The following ZFAT variants were observed in gnomAD, a reference collection of about 807,000 sequenced individuals.
ZFAT encodes the protein zinc finger and AT-hook domain containing, also known as zinc finger protein ZFAT.
A neutral mutation model predicts 117.7 loss-of-function variants in ZFAT; 64 were observed. The observed-to-expected ratio is 0.54, with a 90% CI of 0.44 to 0.67. The LOEUF (loss-of-function observed/expected upper bound fraction) is 0.67, where lower values mean the gene tolerates loss of function less well. Ranked by LOEUF, ZFAT falls within the 30% of genes least tolerant of loss-of-function variation. The pLI, the probability that ZFAT is intolerant of heterozygous loss-of-function variation, is 0.00. For synonymous variants in ZFAT, 679 were observed against 615.0 expected (o/e 1.10, Z -1.54); for missense variants, 1,433 against 1,584.5 (o/e 0.90, Z 1.62).
At chr8:134,712,396 C>T (rs1446114674) in intron 1 of ZFAT, among the ~76,000 whole-genome samples, 1 of 152,172 alleles carries the variant, frequency 6.6e-6, no homozygotes, top group Non-Finnish European at 1.5e-5. Context: ...ATCTGTCACT[C>T]TATTAGGTCC....
At chr8:134,684,566 A>G (rs1256946183) in intron 1 of ZFAT, among the ~76,000 whole-genome samples, 1 of 152,074 alleles carries the variant, frequency 6.6e-6, no homozygotes, top group African/African-American at 2.4e-5. Flanking sequence ...GGTTCCTGGT[A>G]TTTCTCCTTG....
chr8:134,503,532 T>G (rs1008056397), intron 15 of ZFAT, among the ~76,000 whole-genome samples: 1 of 152,210 alleles, frequency 6.6e-6, no homozygotes, highest in South Asian at 2.1e-4. Context: ...AGATATTCGG[T>G]CATACATTAT....
Position 134,521,004 on chromosome 8 carries a change from G to A in ZFAT, c.3116-3C>T, listed in dbSNP as rs575975276. The A allele has an allele frequency of 3.3e-5, 53 of 1,608,870 alleles. 1 individual carries two copies. The South Asian group carries it at 5.3e-4, about 16-fold the overall frequency. ...GCAAACAGGACACTTCAAACCACCT[G>A]AAAGCACAGACAGAGGTTAAAAAAA... On this transcript the variant is annotated splice_polypyrimidine_tract_variant and splice_region_variant and intron_variant, in intron 12 of 15. Transcript: ENST00000377838.
the ZFAT span, among the ~76,000 whole-genome samples, chr8:134,810,617 A>G: frequency 1.3e-5 from 2 of 152,198 alleles, no homozygotes; most frequent in Non-Finnish European, 2.9e-5. Flanking sequence ...ACTTATAACT[A>G]GCTATGTAAT....
intron 15 of ZFAT, among the ~76,000 whole-genome samples, chr8:134,488,219 C>T (rs1252782092): frequency 1.3e-5 from 2 of 152,188 alleles, no homozygotes; most frequent in Non-Finnish European, 2.9e-5. Context: ...GCTGGGCATT[C>T]GGCGGCCCTT....
chr8:134,658,930 C>T (rs1186905605), intron 1 of ZFAT, among the ~76,000 whole-genome samples: 1 of 152,212 alleles, frequency 6.6e-6, no homozygotes, highest in Non-Finnish European at 1.5e-5. Flanking sequence ...AGCAAGAACC[C>T]AGCAGACACT....
intron 15 of ZFAT, among the ~76,000 whole-genome samples, chr8:134,486,068 A>G (rs770441473): frequency 7.9e-5 from 12 of 152,216 alleles, no homozygotes; most frequent in Non-Finnish European, 1.5e-4. Flanking sequence ...CTTAGCTCTC[A>G]ACACATAAAT....
At chr8:134,794,731 A>T in the ZFAT span, 1 of 152,210 alleles carries the variant, frequency 6.6e-6, no homozygotes, top group East Asian at 1.9e-4. Context: ...AAAAACCCTA[A>T]CGTTCTTATA....
chr8:134,816,546 T>C, the ZFAT span, among the ~76,000 whole-genome samples: 23 of 152,158 alleles, frequency 1.5e-4, no homozygotes, highest in African/African-American at 5.3e-4. Context: ...ATTCGTATTT[T>C]TAAAGGATAC....
the ZFAT span, among the ~76,000 whole-genome samples, chr8:134,757,014 T>C: frequency 1.5e-4 from 21 of 141,956 alleles, no homozygotes; most frequent in African/African-American, 5.5e-4. Flanking sequence ...CTTTCCTTTT[T>C]TTTTTTTTTT....
At chr8:134,749,271 A>G in the ZFAT span, among the ~76,000 whole-genome samples, 1 of 152,228 alleles carries the variant, frequency 6.6e-6, no homozygotes, top group African/African-American at 2.4e-5. Context: ...AGCCTTTCAC[A>G]GTAGATCTTT....
intron 9 of ZFAT, among the ~76,000 whole-genome samples, chr8:134,586,088 C>T (rs1385968916): frequency 2.6e-5 from 4 of 152,072 alleles, no homozygotes; most frequent in African/African-American, 7.2e-5. Flanking sequence ...CAAAGAACCC[C>T]AATGTATGGT....
chr8:134,819,091 A>G, the ZFAT span, among the ~76,000 whole-genome samples: 1 of 152,226 alleles, frequency 6.6e-6, no homozygotes, highest in Non-Finnish European at 1.5e-5. Context: ...TTCAATAAAA[A>G]TAGAGACTTG....
chr8:134,602,862 A>C lies in ZFAT; in HGVS notation c.857T>G (p.Leu286Arg). The C allele has an allele frequency of 6.2e-7, 1 of 1,608,444 alleles. No individual in the cohort carries two copies. ...CNKVFKFKHS[L>R]QAHLRIHTNE... ...GGTGTGGATCCTCAGGTGGGCCTGC[A>C]GCGAGTGCTTGAACTTGAAGACCTT... The change falls in exon 6 of 16, where the codon CTG becomes CGG. Residue 286 changes from leucine (L) to arginine (R), a missense_variant. This residue lies in a region of ZFAT where 436 missense variants were observed against 482.0 expected (regional missense o/e 0.90). Transcript: ENST00000377838.
chr8:134,624,435 C>A (rs550381372), intron 3 of ZFAT, among the ~76,000 whole-genome samples: 1 of 152,166 alleles, frequency 6.6e-6, no homozygotes, highest in South Asian at 2.1e-4. Context: ...GCGAGCAGAT[C>A]ACCTGAGGTC....
intron 11 of ZFAT, among the ~76,000 whole-genome samples, chr8:134,558,079 G>C (rs1823783841): frequency 6.6e-6 from 1 of 152,178 alleles, no homozygotes; most frequent in Non-Finnish European, 1.5e-5. Flanking sequence ...GCATCTTCTG[G>C]GTTTAGAAAT....
At chr8:134,548,707 A>G (rs1196762285) in intron 11 of ZFAT, among the ~76,000 whole-genome samples, 2 of 147,634 alleles carry the variant, frequency 1.4e-5, no homozygotes, top group Non-Finnish European at 3.1e-5. Flanking sequence ...AAATCACTGC[A>G]TACTGTGTCC....
intron 1 of ZFAT, among the ~76,000 whole-genome samples, chr8:134,683,987 G>C (rs1299002371): frequency 1.3e-5 from 2 of 152,202 alleles, no homozygotes; most frequent in Non-Finnish European, 2.9e-5. Flanking sequence ...CAAATCTGCA[G>C]GTTAGGTCTG....
chr8:134,751,677 G>A, the ZFAT span, among the ~76,000 whole-genome samples: 1 of 152,212 alleles, frequency 6.6e-6, no homozygotes, highest in Non-Finnish European at 1.5e-5. Flanking sequence ...AGTAGCACCA[G>A]GTGGGGGAAT....
Sources: allele counts gnomAD v4.1 joint callset (sites outside exome capture counted in the v4.1 genomes callset), GRCh38; gene constraint gnomAD v4.1.1; regional missense constraint gnomAD v4.1.1; transcripts MANE v1.5; gene names NCBI Gene and HGNC (gene_info 2026-07-23, HGNC 2026-07-21).